The following TANC2 variants were observed in gnomAD, a reference collection of about 807,000 sequenced individuals.
TANC2 encodes tetratricopeptide repeat, ankyrin repeat and coiled-coil containing 2.
A neutral mutation model predicts 210.5 loss-of-function variants in TANC2; 26 were observed. The ratio of observed to expected loss-of-function variants is 0.12; its 90% confidence interval spans 0.09 to 0.17. The LOEUF (loss-of-function observed/expected upper bound fraction) is 0.17, where lower values mean the gene tolerates loss of function less well. Among genes scored for constraint, TANC2 ranks in the 10% least tolerant of loss-of-function variants. The probability of loss-of-function intolerance (pLI) is 1.00; values close to 1 mark genes in which losing one functional copy is unlikely to be tolerated. For missense variants in TANC2, 2,129 were observed against 2,608.9 expected (o/e 0.82, Z 4.01); for synonymous variants, 931 against 967.1 (o/e 0.96, Z 0.69).
rs2035945350 is a variant in TANC2, at chr17:63,060,212, GT to G, written c.68-13729del. On this transcript the variant is annotated intron_variant, in intron 2 of 27. Transcript: ENST00000689528. ...TTACCACCACCAATTATTGAAATCA[GT>G]TAATTTTTGTTGTTGTTCATGCTGT... Among the ~76,000 whole-genome samples, 3 of 152,144 alleles carry G rather than the reference GT, an allele frequency of 2.0e-5. No individual in the cohort carries two copies. In the South Asian group the frequency reaches 6.2e-4, roughly 32 times the overall value.
chr17:63,346,270 A>C (rs2146838185), intron 12 of TANC2, among the ~76,000 whole-genome samples: 1 of 152,350 alleles, frequency 6.6e-6, no homozygotes, highest in Admixed American at 6.5e-5. Flanking sequence ...GACAAATTAG[A>C]CTTCATCAAA....
In TANC2 at chr17:63,384,940, G is replaced by A. The variant is rs115976615; in HGVS notation, c.2692-3695G>A. Among the ~76,000 whole-genome samples, 657 of 152,312 alleles carry A rather than the reference G, an allele frequency of 4.3e-3. 6 individuals are homozygous for A. The highest frequency in any genetic ancestry group is 0.014 in the African/African-American group (572 of 41,564). On this transcript the variant is annotated intron_variant, in intron 15 of 27. Transcript: ENST00000689528. ...TCAGAGAAGTGAGGTCCTGAATCAGGTGCCAATTACTTTTCCTTTTTTTAG... is the reference window on the plus strand; with the variant it reads ...TCAGAGAAGTGAGGTCCTGAATCAGATGCCAATTACTTTTCCTTTTTTTAG...
In TANC2 at chr17:63,151,150, C is replaced by T. The variant is rs186515891; in HGVS notation, c.323-120C>T. The T allele has an allele frequency of 7.9e-5, 22 of 277,454 alleles. No individual in the cohort carries two copies. In the East Asian group the frequency reaches 3.5e-3, roughly 44 times the overall value. The allele number at this position is 277,454 out of a possible 1,614,324, so 17.2% of individuals were successfully genotyped here. A position where few individuals can be genotyped will look rare whatever the true frequency, so the allele number is the denominator to read the frequency against. ...CTGCTGTTCCCCTTACTCATGACCC[C>T]TCTATGTTTCTCTCTTTCCCTTTTT... On this transcript the variant is annotated intron_variant, in intron 4 of 27. Transcript: ENST00000689528.
chr17:63,240,248 G>C (rs754030210), intron 8 of TANC2, among the ~76,000 whole-genome samples: 1 of 152,122 alleles, frequency 6.6e-6, no homozygotes, highest in Admixed American at 6.6e-5. Flanking sequence ...GAAAATTCTG[G>C]TTCTATTATT....
rs1158768609 is a variant in TANC2, at chr17:63,205,344, C to CAAAAAAAAAAAAAAA, written c.769+4401_769+4415dup. 1.4e-3 allele frequency among the ~76,000 whole-genome samples: 11 copies of CAAAAAAAAAAAAAAA among 8,070 alleles called. 2 individuals are homozygous for CAAAAAAAAAAAAAAA. Among genetic ancestry groups the CAAAAAAAAAAAAAAA allele is most frequent in the East Asian group, 3.3e-3 (1 of 302 alleles). The allele number at this position is 8,070 out of a possible 152,430, so 5.3% of individuals were successfully genotyped here. A position where few individuals can be genotyped will look rare whatever the true frequency, so the allele number is the denominator to read the frequency against. Reference sequence around the variant, plus strand: ...ACTGCTCAAAATTTAACCAAGGAGGCAAAAAAAAAAAAAAAAAAAAAAAAA... The same window carrying CAAAAAAAAAAAAAAA: ...ACTGCTCAAAATTTAACCAAGGAGGCAAAAAAAAAAAAAAAAAAAAAAAAAAAAAAAAAAAAAAAA... On this transcript the variant is annotated intron_variant, in intron 7 of 27. Coordinates refer to ENST00000689528, the Ensembl canonical transcript of TANC2.
intron 7 of TANC2, among the ~76,000 whole-genome samples, chr17:63,235,837 G>A (rs2146038701): frequency 6.6e-6 from 1 of 151,960 alleles, no homozygotes; most frequent in Admixed American, 6.5e-5. Flanking sequence ...TATAATTATT[G>A]CTAAAAAATT....
chr17:63,292,170 A>G (rs1385144537), intron 9 of TANC2, among the ~76,000 whole-genome samples: 3 of 152,190 alleles, frequency 2.0e-5, no homozygotes, highest in African/African-American at 7.2e-5. Context: ...AAACTTGGGC[A>G]CCATCACCAC....
intron 8 of TANC2, among the ~76,000 whole-genome samples, chr17:63,264,828 G>A (rs1567864931): frequency 6.6e-6 from 1 of 152,068 alleles, no homozygotes; most frequent in Non-Finnish European, 1.5e-5. Flanking sequence ...GCGTGGTGAT[G>A]CATGCCTGTA....
At chr17:62,975,937 A>G (rs1200950280) in intron 1 of TANC2, among the ~76,000 whole-genome samples, 1 of 152,060 alleles carries the variant, frequency 6.6e-6, no homozygotes, top group Non-Finnish European at 1.5e-5. Flanking sequence ...TTTTACTGGC[A>G]TTGTCACTCC....
At chr17:62,986,841 C>T (rs987079009) in intron 1 of TANC2, among the ~76,000 whole-genome samples, 3 of 152,012 alleles carry the variant, frequency 2.0e-5, no homozygotes, top group Admixed American at 6.6e-5. Context: ...ACAGAGTGGC[C>T]TGCAGAGCTG....
At chr17:63,164,049 A>C (rs539386810) in intron 5 of TANC2, among the ~76,000 whole-genome samples, 66 of 152,238 alleles carry the variant, frequency 4.3e-4, no homozygotes, top group African/African-American at 1.5e-3. Context: ...TTGTTCTTGA[A>C]CATTCCTTTC....
intron 17 of TANC2, among the ~76,000 whole-genome samples, chr17:63,394,067 C>T: frequency 6.6e-6 from 1 of 152,198 alleles, no homozygotes; most frequent in Non-Finnish European, 1.5e-5. Context: ...CCACCATGCC[C>T]AGCCACTGCA....
chr17:63,213,599 A>G, intron 7 of TANC2, among the ~76,000 whole-genome samples: 1 of 152,376 alleles, frequency 6.6e-6, no homozygotes, highest in Non-Finnish European at 1.5e-5. Flanking sequence ...AAATATATAC[A>G]ACTATATACT....
chr17:63,183,553 C>T (rs1009702084), intron 5 of TANC2, among the ~76,000 whole-genome samples: 2 of 152,084 alleles, frequency 1.3e-5, no homozygotes, highest in East Asian at 1.9e-4. Context: ...TTACCTGCTG[C>T]GTATAATGCA....
chr17:63,187,836 AG>A (rs945557974), intron 5 of TANC2, among the ~76,000 whole-genome samples: 5 of 152,200 alleles, frequency 3.3e-5, no homozygotes, highest in African/African-American at 1.2e-4. Context: ...AATTCAAGAC[AG>A]AAGACAAGTG....
At chr17:63,360,714 C>A (rs2046931348) in intron 14 of TANC2, among the ~76,000 whole-genome samples, 1 of 152,140 alleles carries the variant, frequency 6.6e-6, no homozygotes, top group South Asian at 2.1e-4. Flanking sequence ...GTTGTGCCAG[C>A]AAATTCTAGG....
chr17:63,239,331 A>G (rs1239720501), intron 8 of TANC2, among the ~76,000 whole-genome samples: 1 of 152,180 alleles, frequency 6.6e-6, no homozygotes, highest in Admixed American at 6.5e-5. Flanking sequence ...CTGACTTTTC[A>G]AAATATGTCA....
At chr17:63,155,215 AC>A (rs2039795323) in intron 5 of TANC2, 1 of 152,062 alleles carries the variant, frequency 6.6e-6, no homozygotes, top group African/African-American at 2.4e-5. Flanking sequence ...TTTAAAAAAA[AC>A]AAAAACAAAA....
chr17:63,148,828 A>G (rs1433221692), intron 4 of TANC2: 4 of 152,168 alleles, frequency 2.6e-5, no homozygotes, highest in African/African-American at 7.2e-5. Flanking sequence ...ATTATGCCCC[A>G]TCTTCCAACT....
Sources: allele counts gnomAD v4.1 joint callset (sites outside exome capture counted in the v4.1 genomes callset), GRCh38; gene constraint gnomAD v4.1.1; transcripts MANE v1.5; gene names NCBI Gene and HGNC (gene_info 2026-07-23, HGNC 2026-07-21).